Variants in SDK1 observed in about 807,000 individuals in gnomAD.
SDK1 encodes protein sidekick-1.
Under a neutral mutation model 245.5 loss-of-function variants are expected in SDK1, and 157 were observed. The observed-to-expected ratio is 0.64, with a 90% CI of 0.56 to 0.73. The LOEUF (loss-of-function observed/expected upper bound fraction) is 0.73. Ranked by LOEUF, SDK1 falls within the 30% of genes least tolerant of loss-of-function variation. SDK1 has a pLI of 0.00. For synonymous variants in SDK1, 1,647 were observed against 1,278.5 expected (o/e 1.29, Z -6.15); for missense variants, 3,583 against 3,002.3 (o/e 1.19, Z -4.52).
intron 22 of SDK1, among the ~76,000 whole-genome samples, chr7:4,105,068 C>T (rs1298012244): frequency 1.3e-5 from 2 of 152,094 alleles, no homozygotes; most frequent in Non-Finnish European, 2.9e-5. Flanking sequence ...CAGCAACCTC[C>T]ACCTCCCAAG....
chr7:3,776,813 C>G (rs557075948), intron 4 of SDK1, among the ~76,000 whole-genome samples: 1 of 151,828 alleles, frequency 6.6e-6, no homozygotes, highest in Non-Finnish European at 1.5e-5. Context: ...AGAGATTGAC[C>G]TTGGTTTTGT....
intron 5 of SDK1, among the ~76,000 whole-genome samples, chr7:3,884,422 G>T (rs935944390): frequency 6.6e-6 from 1 of 152,168 alleles, no homozygotes; most frequent in Non-Finnish European, 1.5e-5. Context: ...CTGTTGGTTT[G>T]TGAGTATCAC....
chr7:3,563,926 AC>A (rs1693048808), intron 1 of SDK1, among the ~76,000 whole-genome samples: 1 of 152,164 alleles, frequency 6.6e-6, no homozygotes, highest in Non-Finnish European at 1.5e-5. Context: ...GCTTGTGGTT[AC>A]AAATTAAATA....
intron 1 of SDK1, among the ~76,000 whole-genome samples, chr7:3,595,972 TCATAC>T (rs1237890161): frequency 6.7e-6 from 1 of 149,534 alleles, no homozygotes; most frequent in African/African-American, 2.5e-5. Flanking sequence ...TTTTTTTAAG[TCATAC>T]CATCTACCTG....
chr7:3,958,350 G>T (rs1043495125), intron 7 of SDK1: 2 of 259,056 alleles, frequency 7.7e-6, no homozygotes, highest in East Asian at 2.7e-4. Context: ...CGGAACGGGC[G>T]AGTGGAGTAT....
chr7:3,629,451 A>G (rs1245910840), intron 2 of SDK1, among the ~76,000 whole-genome samples: 2 of 152,202 alleles, frequency 1.3e-5, no homozygotes, highest in Non-Finnish European at 2.9e-5. Flanking sequence ...GGAAAGGACT[A>G]TCCAAGAAGA....
chr7:3,730,842 C>T (rs1202408359), intron 4 of SDK1, among the ~76,000 whole-genome samples: 1 of 152,078 alleles, frequency 6.6e-6, no homozygotes, highest in Admixed American at 6.5e-5. Context: ...CACACTCTGG[C>T]CTTGAAGATT....
At chr7:4,238,767 C>T (rs951940120) in intron 42 of SDK1, among the ~76,000 whole-genome samples, 11 of 151,732 alleles carry the variant, frequency 7.2e-5, no homozygotes, top group African/African-American at 1.7e-4. Flanking sequence ...AGGCTGGTCT[C>T]GAACACCTCA....
At position 3,619,194 on chromosome 7, in the gene SDK1, G is replaced by T; in HGVS notation, c.413G>T (p.Trp138Leu). 1 of 1,613,868 alleles carries T rather than the reference G, an allele frequency of 6.2e-7. No individual in the cohort carries two copies. Among genetic ancestry groups the T allele is most frequent in the Non-Finnish European group, 8.5e-7 (1 of 1,179,818 alleles). The change falls in exon 2 of 45, where the codon TGG becomes TTG. Residue 138 changes from tryptophan (W) to leucine (L), a missense_variant. Trp to Leu is a moderately conservative substitution (Grantham distance 61, BLOSUM62 -2). Coordinates refer to ENST00000404826, the MANE Select transcript of SDK1 (RefSeq NM_152744.4). ...AEGSWPLEFK[W>L]MRDDSELTTY... ...GGGAGCTGGCCTTTGGAGTTCAAGT[G>T]GATGCGCGATGACAGTGAGCTCACC...
At chr7:3,630,661 C>G (rs1782262464) in intron 2 of SDK1, among the ~76,000 whole-genome samples, 1 of 151,736 alleles carries the variant, frequency 6.6e-6, no homozygotes, top group South Asian at 2.1e-4. Flanking sequence ...TAAGATAGTA[C>G]AAAAAAATCT....
chr7:3,575,723 A>AT (rs892861350), intron 1 of SDK1, among the ~76,000 whole-genome samples: 9 of 151,792 alleles, frequency 5.9e-5, no homozygotes, highest in African/African-American at 2.2e-4. Flanking sequence ...CAAACTCTTC[A>AT]TTTTTTTTGT....
At chr7:3,451,896 G>C (rs925593971) in intron 1 of SDK1, among the ~76,000 whole-genome samples, 14 of 152,170 alleles carry the variant, frequency 9.2e-5, no homozygotes, top group African/African-American at 3.4e-4. Context: ...ATTGCAAAGA[G>C]ACTAGCCTCC....
intron 4 of SDK1, among the ~76,000 whole-genome samples, chr7:3,799,863 A>T (rs913940290): frequency 2.6e-5 from 4 of 152,146 alleles, no homozygotes; most frequent in African/African-American, 9.7e-5. Context: ...AAATTACTGT[A>T]AAGTGAATAC....
rs1424519269 is a variant in SDK1, at chr7:3,954,327, C to CCA, written c.1150+2408_1150+2409insAC. 5.3e-3 allele frequency among the ~76,000 whole-genome samples: 113 copies of CCA among 21,218 alleles called. 53 individuals carry two copies. The highest frequency in any genetic ancestry group is 0.019 in the East Asian group (8 of 416). The allele number at this position is 21,218 out of a possible 152,430, so 13.9% of individuals were successfully genotyped here. A position where few individuals can be genotyped will look rare whatever the true frequency, so the allele number is the denominator to read the frequency against. ...CCCTCCTGCCTCCCCTCTACACCCTCCCCTCCCCTCCTGCCTCCCCTCTAC... is the reference window on the plus strand; with the variant it reads ...CCCTCCTGCCTCCCCTCTACACCCTCCACCCTCCCCTCCTGCCTCCCCTCTAC... On this transcript the variant is annotated intron_variant, in intron 7 of 44. Transcript: ENST00000404826.
intron 1 of SDK1, among the ~76,000 whole-genome samples, chr7:3,603,847 G>A (rs1421699874): frequency 1.3e-5 from 2 of 152,126 alleles, no homozygotes; most frequent in Non-Finnish European, 2.9e-5. Context: ...ATTATTTTGA[G>A]ATACGTCCCA....
chr7:3,603,615 A>T lies in SDK1; in HGVS notation c.299-15465A>T, dbSNP rs1781319544. On this transcript the variant is annotated intron_variant, in intron 1 of 44. Coordinates refer to ENST00000404826, the MANE Select transcript of SDK1 (RefSeq NM_152744.4). ...GATGGGGTTTTCTAGATATACAATC[A>T]TGTCGTCTGCAAACAGGGACAATTT... 2.0e-5 allele frequency among the ~76,000 whole-genome samples: 3 copies of T among 152,168 alleles called. No individual in the cohort carries two copies. The South Asian group carries it at 6.2e-4, about 32-fold the overall frequency.
At chr7:3,474,908 T>C (rs557133856) in intron 1 of SDK1, among the ~76,000 whole-genome samples, 25 of 152,172 alleles carry the variant, frequency 1.6e-4, no homozygotes, top group Non-Finnish European at 3.2e-4. Context: ...TCCAAGCTGG[T>C]ATTGAACTCC....
chr7:3,913,629 T>C (rs1482741080), intron 5 of SDK1, among the ~76,000 whole-genome samples: 2 of 152,088 alleles, frequency 1.3e-5, no homozygotes, highest in Non-Finnish European at 2.9e-5. Flanking sequence ...ATCCATTCTT[T>C]TCTCTGGACT....
chr7:3,681,620 G>A (rs1201429808), intron 4 of SDK1, among the ~76,000 whole-genome samples: 1 of 152,038 alleles, frequency 6.6e-6, no homozygotes, highest in East Asian at 1.9e-4. Flanking sequence ...TGTATATTAT[G>A]TGTCTCCCAT....
Sources: gnomAD v4.1 joint callset for allele counts (sites outside exome capture counted in the v4.1 genomes callset) on GRCh38, gnomAD v4.1.1 for gene constraint, MANE v1.5 for transcripts, NCBI Gene and HGNC (gene_info 2026-07-23, HGNC 2026-07-21) for gene names.